CADPS: variants seen among roughly 807,000 people sequenced by gnomAD.
The protein encoded by CADPS is calcium-dependent secretion activator 1.
Under a neutral mutation model 167.3 loss-of-function variants are expected in CADPS, and 57 were observed. That is an observed-to-expected ratio of 0.34 (90% CI 0.28 to 0.42). The LOEUF (loss-of-function observed/expected upper bound fraction) is 0.42, where lower values mean the gene tolerates loss of function less well. Ranked by LOEUF, CADPS falls within the 20% of genes least tolerant of loss-of-function variation. CADPS has a pLI of 1.00. For missense variants in CADPS, 1,414 were observed against 1,738.1 expected, an observed-to-expected ratio of 0.81 and a Z score of 3.32; for synonymous variants, 676 against 635.3, an observed-to-expected ratio of 1.06 and a Z score of -0.96.
At position 62,850,113 on chromosome 3, in the gene CADPS, C is replaced by T. The variant is rs1310103916; in HGVS notation, c.441+24476G>A. Among the ~76,000 whole-genome samples, 14 of 105,636 alleles carry T rather than the reference C, an allele frequency of 1.3e-4. 2 individuals carry two copies. Among genetic ancestry groups the T allele is most frequent in the East Asian group, 9.1e-4 (4 of 4,382 alleles). The allele number at this position is 105,636 out of a possible 152,430, so 69.3% of individuals were successfully genotyped here. ...ATGGTAGTTTGTATTTCTGTGGGAT[C>T]GGTGGTGGTATCCCCTTTATCATTT... On this transcript the variant is annotated intron_variant, in intron 1 of 29. Transcript: ENST00000383710.
chr3:62,820,806 T>C (rs1211026025), intron 1 of CADPS, among the ~76,000 whole-genome samples: 7 of 150,358 alleles, frequency 4.7e-5, no homozygotes, highest in Non-Finnish European at 1.0e-4. Context: ...TTTTTTTTTT[T>C]TTTCTGTCTT....
At chr3:62,415,542 C>G (rs200434478) in intron 28 of CADPS, among the ~76,000 whole-genome samples, 2 of 152,116 alleles carry the variant, frequency 1.3e-5, no homozygotes, top group East Asian at 3.9e-4. Flanking sequence ...AGCTGACATG[C>G]TCGTAGCTTA....
At chr3:62,810,765 C>A (rs2094355965) in intron 1 of CADPS, among the ~76,000 whole-genome samples, 1 of 152,234 alleles carries the variant, frequency 6.6e-6, no homozygotes, top group South Asian at 2.1e-4. Context: ...GAATATCCCA[C>A]TGTCATTTCT....
intron 1 of CADPS, among the ~76,000 whole-genome samples, chr3:62,792,710 A>G (rs1387804733): frequency 6.6e-6 from 1 of 152,092 alleles, no homozygotes; most frequent in Non-Finnish European, 1.5e-5. Context: ...ATCCCCCTGC[A>G]TTAGCTTCCC....
chr3:62,834,210 C>T (rs304180), intron 1 of CADPS, among the ~76,000 whole-genome samples: 88,368 of 151,912 alleles, frequency 0.58, 27,684 homozygotes, highest in African/African-American at 0.82. Flanking sequence ...TCTAGACATG[C>T]CAGTTGAGGA....
At chr3:62,557,114 G>A (rs938671727) in intron 10 of CADPS, among the ~76,000 whole-genome samples, 2 of 151,686 alleles carry the variant, frequency 1.3e-5, no homozygotes, top group African/African-American at 2.4e-5. Flanking sequence ...GTATGGTGGA[G>A]TCCATATTTG....
chr3:62,508,763 A>G (rs76105684), intron 17 of CADPS, among the ~76,000 whole-genome samples: 1 of 152,216 alleles, frequency 6.6e-6, no homozygotes, highest in Non-Finnish European at 1.5e-5. Flanking sequence ...CTCAATAAAC[A>G]ACAATTTTTA....
At chr3:62,788,519 T>C (rs1449601490) in intron 1 of CADPS, among the ~76,000 whole-genome samples, 2 of 152,154 alleles carry the variant, frequency 1.3e-5, no homozygotes, top group Non-Finnish European at 2.9e-5. Context: ...CTTCAATCCA[T>C]GTGTTTTGAA....
At chr3:62,451,090 A>T (rs2057979702) in intron 26 of CADPS, among the ~76,000 whole-genome samples, 2 of 151,822 alleles carry the variant, frequency 1.3e-5, no homozygotes, top group Admixed American at 6.6e-5. Flanking sequence ...TGTATGAGGG[A>T]CTTGAATACA....
chr3:62,663,869 C>A (rs1477017819), intron 3 of CADPS, among the ~76,000 whole-genome samples: 1 of 152,160 alleles, frequency 6.6e-6, no homozygotes, highest in Non-Finnish European at 1.5e-5. Context: ...GGGAGAAGGA[C>A]TTTTCCTTAG....
At chr3:62,752,213 A>G (rs1038610319) in intron 3 of CADPS, among the ~76,000 whole-genome samples, 2 of 152,106 alleles carry the variant, frequency 1.3e-5, no homozygotes, top group African/African-American at 4.8e-5. Flanking sequence ...AAACTGCTAC[A>G]TGGTGGGATG....
intron 28 of CADPS, among the ~76,000 whole-genome samples, chr3:62,432,643 T>G (rs989651246): frequency 6.6e-6 from 1 of 152,178 alleles, no homozygotes; most frequent in African/African-American, 2.4e-5. Context: ...TGGCTAACAC[T>G]TACCAATGCT....
chr3:62,605,074 C>A (rs947753591), intron 6 of CADPS, among the ~76,000 whole-genome samples: 4 of 152,194 alleles, frequency 2.6e-5, no homozygotes, highest in African/African-American at 9.7e-5. Flanking sequence ...GAACTTGAAT[C>A]TGCCTTAAGA....
At chr3:62,687,503 T>A (rs930972616) in intron 3 of CADPS, among the ~76,000 whole-genome samples, 1 of 152,180 alleles carries the variant, frequency 6.6e-6, no homozygotes, top group South Asian at 2.1e-4. Context: ...TTGTTGTTTT[T>A]AATTAAATGA....
chr3:62,645,901 C>T, intron 5 of CADPS, 58 bp from the exon 6 acceptor site: 1 of 1,597,546 alleles, frequency 6.3e-7, no homozygotes, highest in South Asian at 1.1e-5. Flanking sequence ...CAGCATCGCC[C>T]AGAGGAAAAT....
chr3:62,518,575 AT>A (rs1308958278), intron 13 of CADPS, among the ~76,000 whole-genome samples: 1 of 152,162 alleles, frequency 6.6e-6, no homozygotes, highest in Non-Finnish European at 1.5e-5. Context: ...AGTTGCCAAC[AT>A]TTTTTTAAAT....
At position 62,544,043 on chromosome 3, in the gene CADPS, G is replaced by C. The variant is rs981807502; in HGVS notation, c.1966+5860C>G. ...AGTAGCAGAATGACATTTGATACCA[G>C]AGGTTAAATGTCAACCTTGATACCA... On this transcript the variant is annotated intron_variant, in intron 11 of 29. Coordinates refer to ENST00000383710, the MANE Select transcript of CADPS (RefSeq NM_003716.4). The surrounding 1 kb of genome is among the most constrained non-coding windows in gnomAD (Gnocchi z 4.4). Among the ~76,000 whole-genome samples, 2 of 152,118 alleles carry C rather than the reference G, an allele frequency of 1.3e-5. No homozygotes were observed. The highest frequency in any genetic ancestry group is 6.6e-5 in the Admixed American group (1 of 15,256).
rs1173810098 is a variant in CADPS at position 62,627,031 on chromosome 3, T to C, written c.1325+18691A>G. On this transcript the variant is annotated intron_variant, in intron 6 of 29. Coordinates refer to ENST00000383710, the MANE Select transcript of CADPS (RefSeq NM_003716.4). ...AAGCCATATTTGGAATAGATTTTCC[T>C]ATGAAACCTCATCATTAATATGTGT... 2.0e-5 allele frequency among the ~76,000 whole-genome samples: 3 copies of C among 152,156 alleles called. No homozygotes were observed. The South Asian group carries it at 6.2e-4, about 32-fold the overall frequency.
chr3:62,518,222 C>T lies in CADPS; in HGVS notation c.2320G>A (p.Glu774Lys). ...ATTTCTTCAAAACGTTCCTTTTCTT[C>T]AACAGTCACAGTTCCAATTCCATCA... ...RPDGIGTVTV[E>K]EKERFEEIKE... The change falls in exon 14 of 30, where the codon GAA becomes AAA. Residue 774 changes from glutamate (E) to lysine (K), a missense_variant. Physicochemically the swap from Glu to Lys is moderately conservative, Grantham distance 56. This residue lies in a region of CADPS where 529 missense variants were observed against 629.6 expected (regional missense o/e 0.84). Transcript: ENST00000383710. The T allele has an allele frequency of 6.2e-7, 1 of 1,612,724 alleles. No homozygotes were observed.
Sources: gnomAD v4.1 joint callset for allele counts (sites outside exome capture counted in the v4.1 genomes callset) on GRCh38, gnomAD v4.1.1 for gene constraint, gnomAD v4.1.1 regional missense constraint, Gnocchi (gnomAD v3.1) non-coding constraint, MANE v1.5 for transcripts, NCBI Gene and HGNC (gene_info 2026-07-23, HGNC 2026-07-21) for gene names.